The following ATP1B1 variants were observed in gnomAD, a reference collection of about 807,000 sequenced individuals.
ATP1B1 encodes sodium/potassium-transporting ATPase subunit beta-1.
ATP1B1 carries 3 observed loss-of-function variants against 39.6 expected under a neutral mutation model. The observed-to-expected ratio is 0.08, with a 90% CI of 0.03 to 0.20. ATP1B1 has a LOEUF of 0.20. ATP1B1 is among the 10% of genes least tolerant of loss of function. The pLI is 1.00. For missense variants in ATP1B1, 216 were observed against 371.1 expected (o/e 0.58, Z 3.43); for synonymous variants, 139 against 135.0 (o/e 1.03, Z -0.20).
chr1:169,110,111 TTG>T (rs1423154002), intron 1 of ATP1B1, among the ~76,000 whole-genome samples: 3 of 152,122 alleles, frequency 2.0e-5, no homozygotes, highest in African/African-American at 7.2e-5. Context: ...TGCTGTGGTT[TTG>T]TGTGTTTTGC....
intron 1 of ATP1B1, among the ~76,000 whole-genome samples, chr1:169,107,190 T>C (rs753104813): frequency 2.6e-5 from 4 of 152,136 alleles, no homozygotes; most frequent in Non-Finnish European, 5.9e-5. Context: ...GCTTGGTAAT[T>C]TGCAGTCTTT....
In ATP1B1 at chr1:169,114,712, G is replaced by A. The variant is rs1250591139; in HGVS notation, c.226+3214G>A. 2.0e-5 allele frequency among the ~76,000 whole-genome samples: 3 copies of A among 152,150 alleles called. No individual in the cohort carries two copies. In the East Asian group the frequency reaches 5.8e-4, roughly 29 times the overall value. ...CCCTGAACAATGGTGGCCGTTTAAT[G>A]CACATGATATTCCTTACAAAGTCGT... is the stretch of plus-strand genomic sequence containing the variant. On this transcript the variant is annotated intron_variant, in intron 2 of 5. Transcript: ENST00000367815.
intron 1 of ATP1B1, chr1:169,110,462 G>T (rs1043387789): frequency 1.7e-5 from 3 of 173,444 alleles, no homozygotes; most frequent in African/African-American, 4.8e-5. Context: ...GCACAGGACT[G>T]CCAGGCAATG....
chr1:169,109,891 T>C (rs1657691122), intron 1 of ATP1B1, among the ~76,000 whole-genome samples: 1 of 152,050 alleles, frequency 6.6e-6, no homozygotes, highest in South Asian at 2.1e-4. Flanking sequence ...CCAGATCTCT[T>C]GACGTCACAG....
chr1:169,118,241 A>G (rs980770664), intron 2 of ATP1B1, among the ~76,000 whole-genome samples: 1 of 152,228 alleles, frequency 6.6e-6, no homozygotes, highest in African/African-American at 2.4e-5. Context: ...ATCAGAGTTC[A>G]CGGCATTTAG....
At chr1:169,123,367 G>C (rs1658022629) in intron 2 of ATP1B1, among the ~76,000 whole-genome samples, 1 of 151,466 alleles carries the variant, frequency 6.6e-6, no homozygotes. Context: ...GCCCCTAAAT[G>C]ATAGTGACAT....
Position 169,106,915 on chromosome 1 carries a change from G to C in ATP1B1, c.86G>C (p.Gly29Ala). The C allele has an allele frequency of 1.3e-6, 2 of 1,578,172 alleles. No homozygotes were observed. Among genetic ancestry groups the C allele is most frequent in the Non-Finnish European group, 1.7e-6 (2 of 1,164,984 alleles). Residue 29 changes from glycine to alanine, a missense_variant, in exon 1 of 6, where the codon GGT (glycine) becomes GCT (alanine). By Grantham distance (60) the Gly-to-Ala change is moderately conservative (BLOSUM62 0). Coordinates refer to ENST00000367815, the MANE Select transcript of ATP1B1 (RefSeq NM_001677.4). Reference protein sequence around the residue: ...SEKKEFLGRTGGSWFKILLFY... With the variant: ...SEKKEFLGRTAGSWFKILLFY... ...AAGAAGGAGTTTCTGGGCAGGACCG[G>C]TGGCAGTTGGTGTAAGTACGGGGTC... is the stretch of plus-strand genomic sequence containing the variant.
At chr1:169,128,709 A>C (rs552771973) in intron 4 of ATP1B1, among the ~76,000 whole-genome samples, 1 of 152,370 alleles carries the variant, frequency 6.6e-6, no homozygotes, top group Admixed American at 6.5e-5. Flanking sequence ...TGGCATGGCC[A>C]AGAGAAGACT....
At chr1:169,123,987 T>G (rs771284665) in intron 2 of ATP1B1, among the ~76,000 whole-genome samples, 1 of 152,246 alleles carries the variant, frequency 6.6e-6, no homozygotes, top group Non-Finnish European at 1.5e-5. Context: ...GACATACTTA[T>G]ATTTTTTTAA....
chr1:169,108,362 GA>G (rs1192165519), intron 1 of ATP1B1, among the ~76,000 whole-genome samples: 1 of 152,182 alleles, frequency 6.6e-6, no homozygotes, highest in African/African-American at 2.4e-5. Context: ...AGGAAAACCT[GA>G]AGAACTGTGG....
chr1:169,116,632 C>A (rs1657853265), intron 2 of ATP1B1, among the ~76,000 whole-genome samples: 1 of 152,138 alleles, frequency 6.6e-6, no homozygotes, highest in African/African-American at 2.4e-5. Flanking sequence ...AGGCAGATCA[C>A]CCGAGGTCAG....
chr1:169,127,493 T>C (rs537190072), intron 4 of ATP1B1, 85 bp downstream of exon 4: 2 of 1,437,378 alleles, frequency 1.4e-6, no homozygotes, highest in African/African-American at 2.9e-5. Context: ...GTAAGATAGT[T>C]TTAAAGTATA....
chr1:169,125,328 CTTACATCCG>C (rs71557648), intron 3 of ATP1B1, among the ~76,000 whole-genome samples: 21,062 of 151,966 alleles, frequency 0.14, 2,731 homozygotes, highest in East Asian at 0.73. Context: ...TTTTCTTTCT[CTTACATCCG>C]TTGAAAAGTA....
intron 2 of ATP1B1, among the ~76,000 whole-genome samples, chr1:169,114,104 G>A (rs1182400655): frequency 6.6e-6 from 1 of 152,066 alleles, no homozygotes. Context: ...CAGCTCTTGG[G>A]CCACCCCTTA....
chr1:169,118,424 T>C (rs1371796836), intron 2 of ATP1B1, among the ~76,000 whole-genome samples: 1 of 152,172 alleles, frequency 6.6e-6, no homozygotes, highest in Non-Finnish European at 1.5e-5. Context: ...TCCTTGCTAA[T>C]CTCAGAGCCT....
At chr1:169,116,458 G>A (rs950585064) in intron 2 of ATP1B1, among the ~76,000 whole-genome samples, 12 of 152,132 alleles carry the variant, frequency 7.9e-5, no homozygotes, top group Non-Finnish European at 2.9e-5. Flanking sequence ...AATCAGAATC[G>A]GGCAGGAGAA....
At chr1:169,122,770 T>TAA (rs1553236593) in intron 2 of ATP1B1, among the ~76,000 whole-genome samples, 1 of 101,284 alleles carries the variant, frequency 9.9e-6, no homozygotes, top group Non-Finnish European at 2.1e-5. Flanking sequence ...TTTTTTTTTT[T>TAA]AATTGCGATA....
intron 2 of ATP1B1, among the ~76,000 whole-genome samples, chr1:169,111,850 C>T (rs900721019): frequency 6.6e-6 from 1 of 152,144 alleles, no homozygotes; most frequent in Non-Finnish European, 1.5e-5. Context: ...GGGATCCTTT[C>T]CAGACCTTTT....
chr1:169,118,981 T>G (rs1372545718), intron 2 of ATP1B1, among the ~76,000 whole-genome samples: 1 of 152,242 alleles, frequency 6.6e-6, no homozygotes, highest in Non-Finnish European at 1.5e-5. Flanking sequence ...TTTAAATACT[T>G]TAAACTCACA....
Sources: gnomAD v4.1 joint callset for allele counts (sites outside exome capture counted in the v4.1 genomes callset) on GRCh38, gnomAD v4.1.1 for gene constraint, MANE v1.5 for transcripts, NCBI Gene and HGNC (gene_info 2026-07-23, HGNC 2026-07-21) for gene names.